CPED1: variants seen among roughly 807,000 people sequenced by gnomAD.
CPED1 encodes cadherin-like and PC-esterase domain-containing protein 1.
Under a neutral mutation model 128.2 loss-of-function variants are expected in CPED1, and 114 were observed. The ratio of observed to expected loss-of-function variants is 0.89; its 90% CI spans 0.76 to 1.04. CPED1 has a LOEUF of 1.04. Among genes scored for constraint, CPED1 ranks in the 50% least tolerant of loss-of-function variants. The pLI, the probability that CPED1 is intolerant of heterozygous loss-of-function variation, is 0.00. For synonymous variants in CPED1, 462 were observed against 426.7 expected (o/e 1.08, Z -1.02); for missense variants, 1,211 against 1,207.1 (o/e 1.00, Z -0.05).
chr7:121,060,068 G>GCCGGCCGGC (rs1274287438), intron 4 of CPED1, among the ~76,000 whole-genome samples: 1 of 152,180 alleles, frequency 6.6e-6, no homozygotes, highest in Admixed American at 6.5e-5. Context: ...ACTCGGAGCA[G>GCCGGCCGGC]CCGGCCGGCC....
At chr7:121,260,116 A>G (rs1163468600) in intron 18 of CPED1, among the ~76,000 whole-genome samples, 3 of 151,850 alleles carry the variant, frequency 2.0e-5, no homozygotes, top group South Asian at 2.1e-4. Context: ...TTCGCATTCA[A>G]TAAATACTAC....
intron 22 of CPED1, among the ~76,000 whole-genome samples, chr7:121,273,737 A>T (rs1421938009): frequency 2.0e-5 from 3 of 152,170 alleles, no homozygotes; most frequent in Non-Finnish European, 4.4e-5. Context: ...AAGCTGGATC[A>T]TGCTGTTGCA....
intron 6 of CPED1, 128 bp downstream of exon 6, chr7:121,097,959 A>G: frequency 1.1e-6 from 1 of 899,780 alleles, no homozygotes; most frequent in Non-Finnish European, 1.6e-6. Context: ...ATAAATTTTC[A>G]GCTATCCTTT....
At chr7:121,136,952 T>C (rs1020533333) in intron 14 of CPED1, among the ~76,000 whole-genome samples, 1 of 151,964 alleles carries the variant, frequency 6.6e-6, no homozygotes, top group Admixed American at 6.6e-5. Flanking sequence ...TATTCTATAA[T>C]ATAGTGTAGA....
chr7:121,029,465 T>C (rs1208230225), intron 3 of CPED1, among the ~76,000 whole-genome samples: 2 of 152,222 alleles, frequency 1.3e-5, no homozygotes, highest in African/African-American at 2.4e-5. Flanking sequence ...TGAACTTTCT[T>C]CTGGAAAATT....
At chr7:121,278,356 G>T (rs1792370161) in intron 22 of CPED1, among the ~76,000 whole-genome samples, 1 of 152,040 alleles carries the variant, frequency 6.6e-6, no homozygotes, top group Non-Finnish European at 1.5e-5. Flanking sequence ...GGGGAGGAGG[G>T]TCTCTCCTTC....
chr7:121,239,583 AACTTAT>A (rs1455069325), intron 17 of CPED1, among the ~76,000 whole-genome samples: 7 of 152,328 alleles, frequency 4.6e-5, no homozygotes, highest in Admixed American at 2.0e-4. Context: ...GAATTATGAC[AACTTAT>A]ACTTTAACAC....
chr7:120,992,313 G>T (rs1796321545), intron 2 of CPED1, among the ~76,000 whole-genome samples: 1 of 151,964 alleles, frequency 6.6e-6, no homozygotes, highest in Non-Finnish European at 1.5e-5. Context: ...TCAAATCTTT[G>T]CTTTAAGTGT....
chr7:121,246,047 A>G (rs1432408221), intron 18 of CPED1, among the ~76,000 whole-genome samples: 7 of 152,120 alleles, frequency 4.6e-5, no homozygotes, highest in Non-Finnish European at 8.8e-5. Context: ...ATATCCTATA[A>G]ATGTTGCACT....
In CPED1 at chr7:121,127,104, A is replaced by G; in HGVS notation, c.1149A>G (p.Leu383=). 1 of 1,590,880 alleles carries G rather than the reference A, an allele frequency of 6.3e-7. No individual in the cohort carries two copies. The highest frequency in any genetic ancestry group is 1.1e-5 in the South Asian group (1 of 88,954). ...TTCTTTCAAAGGTACACGAGCATTT[A>G]AATTTTCAAGATTATGATAATATGG... is the stretch of plus-strand genomic sequence containing the variant. ...YPVVLQVHEH[L]NFQDYDNMDF... The change falls in exon 10 of 23, where the codon TTA becomes TTG. Residue 383 remains leucine (L), a synonymous_variant. Transcript: ENST00000310396.
chr7:121,089,430 T>C (rs1794523899), intron 5 of CPED1, among the ~76,000 whole-genome samples: 1 of 152,142 alleles, frequency 6.6e-6, no homozygotes, highest in African/African-American at 2.4e-5. Context: ...AGGTAAAAAT[T>C]GAAGGTTAAA....
chr7:121,062,247 T>C (rs913869145), intron 4 of CPED1, among the ~76,000 whole-genome samples: 3 of 152,210 alleles, frequency 2.0e-5, no homozygotes, highest in African/African-American at 7.2e-5. Context: ...ATTCTATTAA[T>C]TCACCAGCAA....
intron 16 of CPED1, among the ~76,000 whole-genome samples, chr7:121,210,380 T>C (rs1376425835): frequency 6.6e-6 from 1 of 152,088 alleles, no homozygotes; most frequent in African/African-American, 2.4e-5. Context: ...GCAGCACTAT[T>C]CACTTTAGCC....
At chr7:121,129,304 T>C (rs1309525929) in intron 11 of CPED1, among the ~76,000 whole-genome samples, 4 of 4,012 alleles carry the variant, frequency 1.0e-3, no homozygotes, top group Admixed American at 0.012. Context: ...TATATATATA[T>C]ATATATACGT....
intron 13 of CPED1, among the ~76,000 whole-genome samples, chr7:121,134,406 A>T (rs1370986443): frequency 1.1e-4 from 16 of 152,138 alleles, no homozygotes; most frequent in African/African-American, 2.4e-5. Flanking sequence ...AGGGTTTACC[A>T]GTTTTATGCT....
intron 18 of CPED1, among the ~76,000 whole-genome samples, chr7:121,259,932 G>A (rs1002027382): frequency 6.6e-6 from 1 of 151,976 alleles, no homozygotes; most frequent in South Asian, 2.1e-4. Context: ...ACTTAAAGGT[G>A]TTTAAATTTT....
At chr7:121,026,328 T>A (rs1168745694) in intron 3 of CPED1, among the ~76,000 whole-genome samples, 4 of 152,120 alleles carry the variant, frequency 2.6e-5, no homozygotes, top group Non-Finnish European at 5.9e-5. Context: ...ACAACACACA[T>A]CTGTCACCAA....
rs798918 is a variant in CPED1, at chr7:121,266,690, T to C, written c.2532-17T>C. The C allele has an allele frequency of 0.085, 135,559 of 1,598,040 alleles. 8,685 individuals are homozygous for C. The highest frequency in any genetic ancestry group is 0.34 in the African/African-American group (25,190 of 74,536). ...TGTTTTAGGGCAACATGTGTTGTTT[T>C]TCTTTCTGAATTTCAGATCACGTCC... On this transcript the variant is annotated splice_polypyrimidine_tract_variant and intron_variant, in intron 19 of 22. Transcript: ENST00000310396.
intron 4 of CPED1, among the ~76,000 whole-genome samples, chr7:121,048,342 C>T (rs932822716): frequency 1.3e-5 from 2 of 152,160 alleles, no homozygotes; most frequent in African/African-American, 2.4e-5. Context: ...GAAGCTTCAG[C>T]GCTTCTGTTT....
Sources: allele counts gnomAD v4.1 joint callset (sites outside exome capture counted in the v4.1 genomes callset), GRCh38; gene constraint gnomAD v4.1.1; transcripts MANE v1.5; gene names NCBI Gene and HGNC (gene_info 2026-07-23, HGNC 2026-07-21).